Variants in TJP2 observed in about 807,000 individuals in gnomAD.
TJP2 encodes the protein Friedreich ataxia region gene X104 (tight junction protein ZO-2).
A neutral mutation model predicts 133.1 loss-of-function variants in TJP2; 91 were observed. The observed-to-expected ratio is 0.68, with a 90% CI of 0.58 to 0.81. The LOEUF (loss-of-function observed/expected upper bound fraction) is 0.81, where lower values mean the gene tolerates loss of function less well. Among genes scored for constraint, TJP2 ranks in the 40% least tolerant of loss-of-function variants. TJP2 has a pLI of 0.00. For synonymous variants in TJP2, 592 were observed against 583.4 expected (o/e 1.01, Z -0.21); for missense variants, 1,541 against 1,565.6 (o/e 0.98, Z 0.26).
rs1250071968 is a variant in TJP2, at chr9:69,227,967, G to A, written c.1320-14G>A. On this transcript the variant is annotated splice_polypyrimidine_tract_variant and intron_variant, in intron 8 of 22. Coordinates refer to ENST00000377245, the MANE Select transcript of TJP2 (RefSeq NM_004817.4). ...GTTATCTCTTGAGACATTTACGTAT[G>A]ACATGTGATTCAGTTCCAGAGAGGA... 6.2e-7 allele frequency: 1 copy of A among 1,614,152 alleles called. No homozygotes were observed. Among genetic ancestry groups the A allele is most frequent in the Non-Finnish European group, 8.5e-7 (1 of 1,180,006 alleles).
intron 2 of TJP2, among the ~76,000 whole-genome samples, chr9:69,158,191 C>G (rs756730673): frequency 7.2e-5 from 11 of 151,772 alleles, no homozygotes; most frequent in African/African-American, 2.7e-4. Context: ...TGGTGGTGCA[C>G]GCCTGTAATC....
At chr9:69,234,145 T>C (rs1361737903) in intron 11 of TJP2, among the ~76,000 whole-genome samples, 1 of 152,166 alleles carries the variant, frequency 6.6e-6, no homozygotes, top group Non-Finnish European at 1.5e-5. Context: ...AGAAATTCTA[T>C]TGTGATCTGG....
chr9:69,198,464 C>G (rs974422073), intron 1 of TJP2, among the ~76,000 whole-genome samples: 7 of 152,166 alleles, frequency 4.6e-5, no homozygotes, highest in Non-Finnish European at 7.4e-5. Flanking sequence ...TCTTTATTAT[C>G]TATTTAAATG....
chr9:69,237,920 A>T lies in TJP2; in HGVS notation c.2222A>T (p.Asp741Val). Residue 741 changes from aspartate (D) to valine (V), a missense_variant, in exon 15 of 23, where the codon GAT becomes GTT. Asp to Val is a radical substitution (Grantham distance 152, BLOSUM62 -3). Coordinates refer to ENST00000377245, the MANE Select transcript of TJP2 (RefSeq NM_004817.4). ...RPVVLFGPIA[D>V]IAMEKLANEL... ...GTGGTCTTATTCGGCCCCATAGCTG[A>T]TATAGCAATGGAAAAATTGGCTAAT... 2 of 1,613,982 alleles carry T rather than the reference A, an allele frequency of 1.2e-6. No homozygotes were observed. The highest frequency in any genetic ancestry group is 1.7e-6 in the Non-Finnish European group (2 of 1,179,916).
intron 1 of TJP2, chr9:69,151,513 G>A: frequency 1.3e-6 from 1 of 771,040 alleles, no homozygotes; most frequent in Non-Finnish European, 1.7e-6. Context: ...GGTGACAGTT[G>A]CATAACTCTG....
At chr9:69,227,644 A>G (rs948500458) in intron 7 of TJP2, 121 bp from the exon 8 acceptor site, 2 of 712,806 alleles carry the variant, frequency 2.8e-6, no homozygotes, top group South Asian at 1.8e-5. Flanking sequence ...CTAATAGCAC[A>G]TTTCCTGCCT....
intron 2 of TJP2, among the ~76,000 whole-genome samples, chr9:69,159,876 A>G (rs993636242): frequency 9.3e-5 from 13 of 140,356 alleles, no homozygotes; most frequent in Admixed American, 4.6e-4. Context: ...AAAAAAAAAA[A>G]AAAGAAAGAA....
chr9:69,131,617 A>G (rs904883137), intron 1 of TJP2, among the ~76,000 whole-genome samples: 2 of 152,180 alleles, frequency 1.3e-5, no homozygotes, highest in African/African-American at 4.8e-5. Flanking sequence ...GTTAGTAGAG[A>G]GCAAAGTGAT....
At chr9:69,137,354 T>C (rs6560593) in intron 1 of TJP2, among the ~76,000 whole-genome samples, 127,315 of 140,716 alleles carry the variant, frequency 0.9, 57,741 homozygotes, top group East Asian at 1. Flanking sequence ...GACAGGGTTT[T>C]GCTTTGTTGC....
At chr9:69,225,245 G>A in intron 5 of TJP2, 59 bp from the exon 6 acceptor site, 1 of 1,133,672 alleles carries the variant, frequency 8.8e-7, no homozygotes, top group Non-Finnish European at 1.3e-6. Context: ...CTATAAACCA[G>A]ACTAAGTTTT....
intron 2 of TJP2, among the ~76,000 whole-genome samples, chr9:69,214,316 A>G (rs1828179145): frequency 6.6e-6 from 1 of 151,934 alleles, no homozygotes; most frequent in African/African-American, 2.4e-5. Context: ...GAACTCCTGG[A>G]CTCAAGCAAT....
chr9:69,151,480 C>CAA (rs141276955), intron 1 of TJP2, among the ~76,000 whole-genome samples: 127 of 126,240 alleles, frequency 1.0e-3, no homozygotes, highest in Middle Eastern at 4.2e-3. Flanking sequence ...AACTCCGTCT[C>CAA]AAAAAAAAAA....
chr9:69,189,311 TC>T (rs1387788870), intron 1 of TJP2, among the ~76,000 whole-genome samples: 2 of 152,212 alleles, frequency 1.3e-5, no homozygotes, highest in Non-Finnish European at 2.9e-5. Context: ...TTTGCTTCTT[TC>T]CTGTTTCTCC....
At chr9:69,215,854 G>GT (rs1247634231) in intron 2 of TJP2, among the ~76,000 whole-genome samples, 2 of 152,144 alleles carry the variant, frequency 1.3e-5, no homozygotes, top group Non-Finnish European at 2.9e-5. Flanking sequence ...AGTGAGTAGT[G>GT]ATCACACCGC....
In TJP2 at chr9:69,128,167, A is replaced by G. The variant is rs1249702921; in HGVS notation, c.-131+6442A>G. On this transcript the variant is annotated intron_variant, in intron 1 of 5. Transcript: ENST00000423935. ...CCATTCATCCATTATGGGCATCTGGATTGTTTCTGCTTTCTGGCTATTATG... is the reference window on the plus strand; with the variant it reads ...CCATTCATCCATTATGGGCATCTGGGTTGTTTCTGCTTTCTGGCTATTATG... Among the ~76,000 whole-genome samples the G allele has an allele frequency of 5.2e-5, 4 of 76,796 alleles. 2 individuals carry two copies. The highest frequency in any genetic ancestry group is 1.6e-4 in the African/African-American group (4 of 25,146). 50.4% of individuals were successfully genotyped at this position (76,796 alleles called of 152,430 possible).
intron 1 of TJP2, among the ~76,000 whole-genome samples, chr9:69,141,581 C>T (rs1361635623): frequency 1.3e-5 from 2 of 152,148 alleles, no homozygotes; most frequent in African/African-American, 2.4e-5. Flanking sequence ...AATGTATATA[C>T]ATTACGGCAT....
At chr9:69,145,612 C>A in intron 1 of TJP2, 1 of 786,440 alleles carries the variant, frequency 1.3e-6, no homozygotes, top group Non-Finnish European at 1.7e-6. Flanking sequence ...AGAGAACATC[C>A]AAAGGAACAG....
upstream of TJP2, among the ~76,000 whole-genome samples, chr9:69,169,368 TTG>T (rs1491479296): frequency 1.1e-3 from 145 of 134,156 alleles, no homozygotes; most frequent in African/African-American, 1.3e-3. Context: ...TTTTTTTTTT[TTG>T]GGGGGGGGAT....
At chr9:69,205,094 G>A in intron 1 of TJP2, 1 of 1,532,028 alleles carries the variant, frequency 6.5e-7, no homozygotes, top group Non-Finnish European at 8.7e-7. Context: ...GTAACCACAT[G>A]GAGTGATGGA....
Sources: allele counts gnomAD v4.1 joint callset (sites outside exome capture counted in the v4.1 genomes callset), GRCh38; gene constraint gnomAD v4.1.1; transcripts MANE v1.5; gene names NCBI Gene and HGNC (gene_info 2026-07-23, HGNC 2026-07-21).